IQGAP2: variants seen among roughly 807,000 people sequenced by gnomAD.
IQGAP2 encodes the protein IQ motif containing GTPase activating protein 2, also known as ras GTPase-activating-like protein IQGAP2.
Under a neutral mutation model 201.3 loss-of-function variants are expected in IQGAP2, and 173 were observed. The observed-to-expected ratio is 0.86, with a 90% CI of 0.76 to 0.98. The LOEUF (loss-of-function observed/expected upper bound fraction) is 0.98. Ranked by LOEUF, IQGAP2 falls within the 50% of genes least tolerant of loss-of-function variation. The pLI is 0.00. For synonymous variants in IQGAP2, 675 were observed against 673.9 expected, an observed-to-expected ratio of 1.00 and a Z score of -0.03; for missense variants, 1,687 against 1,864.8, an observed-to-expected ratio of 0.90 and a Z score of 1.76.
chr5:76,637,984 T>C lies in IQGAP2; in HGVS notation c.1923+808T>C, dbSNP rs1751277201. ...CTTTCTTCTACCAGATTTTACTTAT[T>C]GAAAGCAATTTGTCCCTCCTCTCAT... is the stretch of plus-strand genomic sequence containing the variant. On this transcript the variant is annotated intron_variant, in intron 16 of 35. Coordinates refer to ENST00000274364, the MANE Select transcript of IQGAP2 (RefSeq NM_006633.5). 3.3e-5 allele frequency among the ~76,000 whole-genome samples: 5 copies of C among 152,196 alleles called. No individual in the cohort carries two copies. The South Asian group carries it at 1.0e-3, about 32-fold the overall frequency.
At chr5:76,665,221 G>A (rs761236422) in intron 22 of IQGAP2, 46 bp downstream of exon 22, 1 of 1,544,550 alleles carries the variant, frequency 6.5e-7, no homozygotes, top group Non-Finnish European at 8.9e-7. Flanking sequence ...GTAATACTAT[G>A]TTACATGTTT....
intron 20 of IQGAP2, among the ~76,000 whole-genome samples, chr5:76,656,481 GT>G (rs1192088478): frequency 3.3e-5 from 3 of 90,806 alleles, no homozygotes; most frequent in African/African-American, 1.3e-4. Context: ...GCGCCCAGCC[GT>G]TTTTGGTTTT....
intron 5 of IQGAP2, 79 bp from the exon 6 acceptor site, chr5:76,588,827 C>T (rs1013335645): frequency 7.5e-6 from 6 of 804,828 alleles, no homozygotes; most frequent in Middle Eastern, 2.9e-4. Context: ...ACTGAAAAAA[C>T]TATTAAGAAT....
At chr5:76,473,010 A>T (rs1200757667) in intron 2 of IQGAP2, among the ~76,000 whole-genome samples, 1 of 152,214 alleles carries the variant, frequency 6.6e-6, no homozygotes, top group Non-Finnish European at 1.5e-5. Flanking sequence ...TCCCCATTTG[A>T]TAGATGGAAA....
intron 13 of IQGAP2, among the ~76,000 whole-genome samples, chr5:76,625,227 T>C (rs895411085): frequency 6.6e-6 from 1 of 152,240 alleles, no homozygotes; most frequent in Non-Finnish European, 1.5e-5. Flanking sequence ...AGACTAATAC[T>C]TTAAGCTTTG....
intron 14 of IQGAP2, among the ~76,000 whole-genome samples, chr5:76,630,829 A>G (rs1750637089): frequency 8.2e-6 from 1 of 121,880 alleles, no homozygotes; most frequent in South Asian, 3.1e-4. Context: ...TTGTTCAACA[A>G]CCACTGGAGT....
chr5:76,549,549 G>A (rs1743309074), intron 2 of IQGAP2, among the ~76,000 whole-genome samples: 1 of 152,050 alleles, frequency 6.6e-6, no homozygotes, highest in South Asian at 2.1e-4. Flanking sequence ...GTATTAGTTT[G>A]TTCAGGCTGC....
intron 12 of IQGAP2, among the ~76,000 whole-genome samples, chr5:76,610,114 ATTTTTTTTTTTTTTTT>A (rs34917876): frequency 1.0e-4 from 1 of 9,894 alleles, no homozygotes; most frequent in Non-Finnish European, 1.5e-4. Context: ...ATATATATAT[ATTTTTTTTTTTTTTTT>A]TTTTTTTTTT....
In IQGAP2 at chr5:76,468,831, C is replaced by T. The variant is rs765310317; in HGVS notation, c.146+7162C>T. Reference sequence around the variant, plus strand: ...ATTCGCTTTTCATATTCCTCTTTATCTAGTCAGACTTACTTCCTCTTCAGA... The same window carrying T: ...ATTCGCTTTTCATATTCCTCTTTATTTAGTCAGACTTACTTCCTCTTCAGA... On this transcript the variant is annotated intron_variant, in intron 2 of 35. Transcript: ENST00000274364. Among the ~76,000 whole-genome samples, 123 of 152,314 alleles carry T rather than the reference C, an allele frequency of 8.1e-4. 2 individuals carry two copies. Among genetic ancestry groups the T allele is most frequent in the Admixed American group, 1.8e-3 (28 of 15,304 alleles).
chr5:76,544,165 A>G (rs1035254116), intron 2 of IQGAP2, among the ~76,000 whole-genome samples: 1 of 152,140 alleles, frequency 6.6e-6, no homozygotes, highest in African/African-American at 2.4e-5. Flanking sequence ...TGGCACCCCA[A>G]ATGTCTGCTG....
At chr5:76,615,753 A>G (rs928912644) in intron 13 of IQGAP2, 1 of 83,592 alleles carries the variant, frequency 1.2e-5, no homozygotes, top group African/African-American at 3.7e-5. Flanking sequence ...TTACAGGAAT[A>G]TAATGGGTAT....
chr5:76,413,247 C>A (rs1190685432), intron 1 of IQGAP2, among the ~76,000 whole-genome samples: 1 of 143,756 alleles, frequency 7.0e-6, no homozygotes, highest in Non-Finnish European at 1.5e-5. Flanking sequence ...TGGCTCACTG[C>A]AACCTCCACC....
chr5:76,619,662 G>A (rs912473388), intron 13 of IQGAP2, among the ~76,000 whole-genome samples: 12 of 151,736 alleles, frequency 7.9e-5, no homozygotes, highest in East Asian at 1.9e-4. Context: ...GACTACAAGC[G>A]CCCGCCACCA....
At chr5:76,610,226 G>A (rs1183046458) in intron 12 of IQGAP2, among the ~76,000 whole-genome samples, 3 of 139,130 alleles carry the variant, frequency 2.2e-5, no homozygotes, top group African/African-American at 8.1e-5. Context: ...TCTGCCTCCT[G>A]GATTCAAGTG....
chr5:76,611,267 G>A (rs998356068), intron 13 of IQGAP2, 84 bp downstream of exon 13: 98 of 995,342 alleles, frequency 9.8e-5, no homozygotes, highest in African/African-American at 4.2e-4. Context: ...ACCCATTTAC[G>A]TTAAATCTCA....
Position 76,461,579 on chromosome 5 carries a change from A to T in IQGAP2, c.56A>T (p.Asp19Val), listed in dbSNP as rs905393597. 1 of 1,612,590 alleles carries T rather than the reference A, an allele frequency of 6.2e-7. No individual in the cohort carries two copies. The highest frequency in any genetic ancestry group is 8.5e-7 in the Non-Finnish European group (1 of 1,178,668). Residue 19 changes from aspartate (D) to valine (V), a missense_variant, in exon 2 of 36, where the codon GAC (aspartate) becomes GTC (valine). Physicochemically the swap from Asp to Val is radical, Grantham distance 152. Transcript: ENST00000274364. ...TATCCTCTATTTCTAGCTATTGTGG[A>T]CGATGAAAGGCTCTCTGCAGAGGAG... The part of the protein sequence containing the change: ...LQRPRYGSIV[D>V]DERLSAEEMD...
chr5:76,452,992 C>T (rs1002595856), intron 1 of IQGAP2, among the ~76,000 whole-genome samples: 17 of 149,056 alleles, frequency 1.1e-4, no homozygotes, highest in African/African-American at 2.5e-4. Context: ...CTCACTGCAA[C>T]CTCCGCCTCC....
chr5:76,608,960 G>A, intron 12 of IQGAP2: 1 of 770,492 alleles, frequency 1.3e-6, no homozygotes, highest in Admixed American at 2.6e-5. Flanking sequence ...AGTGGACCGT[G>A]GGCTGAGTGA....
chr5:76,685,839 G>C (rs1480325337), intron 30 of IQGAP2, among the ~76,000 whole-genome samples: 1 of 152,280 alleles, frequency 6.6e-6, no homozygotes, highest in East Asian at 1.9e-4. Flanking sequence ...CATGCATTTA[G>C]TACATTCGCA....
Sources: gnomAD v4.1 joint callset for allele counts (sites outside exome capture counted in the v4.1 genomes callset) on GRCh38, gnomAD v4.1.1 for gene constraint, MANE v1.5 for transcripts, NCBI Gene and HGNC (gene_info 2026-07-23, HGNC 2026-07-21) for gene names.